CSNK1G2: variants seen among roughly 807,000 people sequenced by gnomAD.
CSNK1G2 encodes casein kinase I isoform gamma-2.
In CSNK1G2, 11 loss-of-function variants were observed where a neutral mutation model predicts 48.0. The observed-to-expected ratio is 0.23, with a 90% CI of 0.14 to 0.38. CSNK1G2 has a LOEUF of 0.38. Among genes scored for constraint, CSNK1G2 ranks in the 10% least tolerant of loss-of-function variants. The pLI, the probability that CSNK1G2 is intolerant of heterozygous loss-of-function variation, is 1.00. For synonymous variants in CSNK1G2, 337 were observed against 254.1 expected (o/e 1.33, Z -3.10); for missense variants, 446 against 595.5 (o/e 0.75, Z 2.61).
chr19:1,953,358 A>G (rs759498879), intron 1 of CSNK1G2: 3 of 532,822 alleles, frequency 5.6e-6, no homozygotes, highest in South Asian at 2.8e-5. Context: ...CCTGTGCGCC[A>G]TGGGGGCCTG....
intron 1 of CSNK1G2, among the ~76,000 whole-genome samples, chr19:1,959,937 TG>T (rs1279874827): frequency 6.6e-6 from 1 of 151,952 alleles, no homozygotes; most frequent in Non-Finnish European, 1.5e-5. Flanking sequence ...CTACACATTG[TG>T]GCTCCCACAA....
chr19:1,969,867 G>C lies in CSNK1G2; in HGVS notation c.95G>C (p.Ser32Thr). The change falls in exon 2 of 12, where the codon AGC becomes ACC. Residue 32 changes from serine to threonine, a missense_variant. By Grantham distance (58) the Ser-to-Thr change is moderately conservative (BLOSUM62 1). Transcript: ENST00000255641. ...GGGRSSHGIR[S>T]SGTSSGVLMV... ...GGCCGGAGCAGCCACGGCATCCGGA[G>C]CTCGGGGACCAGCTCGGGGGTCCTG... The C allele has an allele frequency of 1.5e-6, 2 of 1,311,986 alleles. No individual in the cohort carries two copies. 81.3% of individuals were successfully genotyped at this position (1,311,986 alleles called of 1,614,324 possible).
chr19:1,969,595 A>T lies in CSNK1G2; in HGVS notation c.-178A>T. 1 of 451,572 alleles carries T rather than the reference A, an allele frequency of 2.2e-6. No individual in the cohort carries two copies. Among genetic ancestry groups the T allele is most frequent in the Non-Finnish European group, 3.7e-6 (1 of 266,688 alleles). The allele number at this position is 451,572 out of a possible 1,614,324, so 28.0% of individuals were successfully genotyped here. Reference sequence around the variant, plus strand: ...CGACCCCGAGGCCACTGAGAAGAGCAGCGCGGCCTGGCCGGCCCGAACGCC... The same window carrying T: ...CGACCCCGAGGCCACTGAGAAGAGCTGCGCGGCCTGGCCGGCCCGAACGCC... On this transcript the variant is annotated 5_prime_UTR_variant, in exon 2 of 12. Coordinates refer to ENST00000255641, the MANE Select transcript of CSNK1G2 (RefSeq NM_001319.7).
rs148408595 is a variant in CSNK1G2, at chr19:1,979,812, A to G, written c.1063A>G (p.Thr355Ala). Reference sequence around the variant, plus strand: ...CTCCCAGCCTCAGCTCCGGGACAAAACCCAGCCGCACAGCAAAAACCAGGT... The same window carrying G: ...CTCCCAGCCTCAGCTCCGGGACAAAGCCCAGCCGCACAGCAAAAACCAGGT... ...LPSQPQLRDKTQPHSKNQALN... is the reference protein window; with the variant it reads ...LPSQPQLRDKAQPHSKNQALN... Residue 355 changes from threonine to alanine, a missense_variant, in exon 10 of 12, where the codon ACC becomes GCC. Physicochemically the swap from Thr to Ala is moderately conservative, Grantham distance 58 (BLOSUM62 0). Coordinates refer to ENST00000255641, the MANE Select transcript of CSNK1G2 (RefSeq NM_001319.7). The G allele has an allele frequency of 0.016, 26,275 of 1,606,074 alleles. 455 individuals carry two copies. Among genetic ancestry groups the G allele is most frequent in the Admixed American group, 0.081 (4,822 of 59,170 alleles).
chr19:1,977,986 T>C (rs1053905903), intron 2 of CSNK1G2, among the ~76,000 whole-genome samples: 3 of 151,068 alleles, frequency 2.0e-5, no homozygotes, highest in Admixed American at 1.3e-4. Context: ...TGTGGAGCCC[T>C]TGGGGCTGCC....
intron 1 of CSNK1G2, among the ~76,000 whole-genome samples, chr19:1,960,517 C>T (rs2015163600): frequency 6.6e-6 from 1 of 152,226 alleles, no homozygotes; most frequent in South Asian, 2.1e-4. Flanking sequence ...TGCCGTGTCC[C>T]CCGTGTGCCT....
At position 1,980,306 on chromosome 19, in the gene CSNK1G2, C is replaced by T. The variant is rs2015939550; in HGVS notation, c.*103C>T. ...CACCCACAGCGGCCCAGGGCCAGAC[C>T]CTGGCTGGAAGCCAGAACGCAGACT... On this transcript the variant is annotated 3_prime_UTR_variant, in exon 12 of 12. Transcript: ENST00000255641. The T allele has an allele frequency of 6.9e-7, 1 of 1,444,760 alleles. No homozygotes were observed. The highest frequency in any genetic ancestry group is 2.3e-5 in the East Asian group (1 of 43,706). The allele number at this position is 1,444,760 out of a possible 1,614,324, so 89.5% of individuals were successfully genotyped here. A position where few individuals can be genotyped will look rare whatever the true frequency, so the allele number is the denominator to read the frequency against.
chr19:1,941,898 C>T (rs1051949245), intron 1 of CSNK1G2, among the ~76,000 whole-genome samples: 5 of 151,748 alleles, frequency 3.3e-5, no homozygotes, highest in African/African-American at 1.2e-4. Context: ...AAGCCCACCG[C>T]CCACTCACCC....
At position 1,980,332 on chromosome 19, in the gene CSNK1G2, G is replaced by T; in HGVS notation, c.*129G>T. 3 of 1,172,672 alleles carry T rather than the reference G, an allele frequency of 2.6e-6. No individual in the cohort carries two copies. Among genetic ancestry groups the T allele is most frequent in the Middle Eastern group, 2.0e-4 (1 of 5,120 alleles). The allele number at this position is 1,172,672 out of a possible 1,614,324, so 72.6% of individuals were successfully genotyped here. ...CTGGCTGGAAGCCAGAACGCAGACT[G>T]CAGGGGCCGCGCCTGGCTCAGGCGG... On this transcript the variant is annotated 3_prime_UTR_variant, in exon 12 of 12. Coordinates refer to ENST00000255641, the MANE Select transcript of CSNK1G2 (RefSeq NM_001319.7).
rs2015827771 is a variant in CSNK1G2 at position 1,978,249 on chromosome 19, A to T, written c.188-56A>T. The T allele has an allele frequency of 8.9e-6, 14 of 1,576,352 alleles. No individual in the cohort carries two copies. Among genetic ancestry groups the T allele is most frequent in the African/African-American group, 1.4e-5 (1 of 73,408 alleles). ...CTCCTGCCTCGGGGGTGGGCTGGGG[A>T]GGTCGGGGCTAGGTGGGCCCTGCGC... On this transcript the variant is annotated intron_variant, in intron 2 of 11. Transcript: ENST00000255641. This position sits in a 1 kb window ranked among gnomAD's most constrained non-coding sequence, Gnocchi z 7.3.
At chr19:1,951,628 G>A (rs1288115386) in intron 1 of CSNK1G2, among the ~76,000 whole-genome samples, 3 of 144,640 alleles carry the variant, frequency 2.1e-5, no homozygotes, top group African/African-American at 5.3e-5. Context: ...CTCAGGATGT[G>A]CAGGCTGGGC....
intron 1 of CSNK1G2, among the ~76,000 whole-genome samples, chr19:1,951,899 C>G (rs541055656): frequency 1.3e-5 from 2 of 152,106 alleles, no homozygotes; most frequent in South Asian, 4.1e-4. Flanking sequence ...CGAAGATGGT[C>G]TCGATCTCCT....
At position 1,978,852 on chromosome 19, in the gene CSNK1G2, C is replaced by A. The variant is rs749045334; in HGVS notation, c.448-7C>A. 4 of 1,599,642 alleles carry A rather than the reference C, an allele frequency of 2.5e-6. No individual in the cohort carries two copies. The highest frequency in any genetic ancestry group is 2.2e-5 in the East Asian group (1 of 44,748). ...GGCCCGGCCGACACCGCCGTGCCCC[C>A]CTGCAGATCACGCGCATGGAGTATG... On this transcript the variant is annotated splice_polypyrimidine_tract_variant and splice_region_variant and intron_variant, in intron 5 of 11. Transcript: ENST00000255641. This position sits in a 1 kb window ranked among gnomAD's most constrained non-coding sequence, Gnocchi z 7.3.
At chr19:1,944,366 T>A (rs535092554) in intron 1 of CSNK1G2, among the ~76,000 whole-genome samples, 1 of 152,114 alleles carries the variant, frequency 6.6e-6, no homozygotes, top group South Asian at 2.1e-4. Flanking sequence ...GGAGTTCTCG[T>A]GGGGCCCGTG....
chr19:1,952,749 A>C, intron 1 of CSNK1G2: 1 of 302,834 alleles, frequency 3.3e-6, no homozygotes, highest in Non-Finnish European at 6.7e-6. Context: ...GTCGTGCGGG[A>C]CTGGATGGAG....
intron 1 of CSNK1G2, among the ~76,000 whole-genome samples, chr19:1,943,861 AG>A (rs2014456949): frequency 1.3e-5 from 2 of 152,318 alleles, no homozygotes; most frequent in African/African-American, 4.8e-5. Context: ...TGGTCCGTCA[AG>A]GCCTTGACCG....
At chr19:1,979,677 G>A (rs911479741) in intron 9 of CSNK1G2, 34 bp downstream of exon 9, 2 of 1,601,494 alleles carry the variant, frequency 1.2e-6, no homozygotes, top group Non-Finnish European at 1.7e-6. Flanking sequence ...TGGGAGCGGG[G>A]GACCGGGAAA....
chr19:1,961,039 G>C (rs757741820), intron 1 of CSNK1G2, among the ~76,000 whole-genome samples: 1 of 152,192 alleles, frequency 6.6e-6, no homozygotes, highest in Non-Finnish European at 1.5e-5. Flanking sequence ...GAGAGGCTTC[G>C]GGCTCCGGTT....
chr19:1,949,872 C>T (rs2145504434), intron 1 of CSNK1G2, among the ~76,000 whole-genome samples: 1 of 152,372 alleles, frequency 6.6e-6, no homozygotes, highest in South Asian at 2.1e-4. Context: ...GTCTAGAAAG[C>T]CAGGGGTCCT....
Sources: gnomAD v4.1 joint callset for allele counts (sites outside exome capture counted in the v4.1 genomes callset) on GRCh38, gnomAD v4.1.1 for gene constraint, Gnocchi (gnomAD v3.1) non-coding constraint, MANE v1.5 for transcripts, NCBI Gene and HGNC (gene_info 2026-07-23, HGNC 2026-07-21) for gene names.